Variants in TANC2 observed in about 807,000 individuals in gnomAD.
TANC2 encodes protein TANC2.
TANC2 carries 26 observed loss-of-function variants against 210.5 expected under a neutral mutation model. The observed-to-expected ratio is 0.12, with a 90% CI of 0.09 to 0.17. The LOEUF is 0.17. TANC2 is among the 10% of genes least tolerant of loss of function. The pLI is 1.00. For missense variants in TANC2, 2,129 were observed against 2,608.9 expected (o/e 0.82, Z 4.01); for synonymous variants, 931 against 967.1 (o/e 0.96, Z 0.69).
chr17:63,014,593 G>T (rs754601877), intron 2 of TANC2, among the ~76,000 whole-genome samples: 35 of 152,046 alleles, frequency 2.3e-4, no homozygotes, highest in Non-Finnish European at 5.0e-4. Context: ...TATTGTGCAT[G>T]GCCACTAATG....
chr17:63,108,188 C>T (rs2037898547), intron 4 of TANC2, among the ~76,000 whole-genome samples: 1 of 151,492 alleles, frequency 6.6e-6, no homozygotes, highest in African/African-American at 2.4e-5. Flanking sequence ...TTTCATGCCT[C>T]ATAAAATGAA....
At chr17:63,318,531 A>G (rs1435128971) in intron 10 of TANC2, among the ~76,000 whole-genome samples, 2 of 152,134 alleles carry the variant, frequency 1.3e-5, no homozygotes, top group Non-Finnish European at 2.9e-5. Flanking sequence ...GGTAACCACT[A>G]ATTTACTTTC....
At chr17:63,100,437 T>A (rs1360200485) in intron 4 of TANC2, among the ~76,000 whole-genome samples, 2 of 152,158 alleles carry the variant, frequency 1.3e-5, no homozygotes, top group Non-Finnish European at 2.9e-5. Flanking sequence ...AAAGACACTT[T>A]GGTCATTAGA....
chr17:63,311,459 G>A (rs555500692), intron 9 of TANC2, among the ~76,000 whole-genome samples: 21 of 152,214 alleles, frequency 1.4e-4, no homozygotes, highest in African/African-American at 5.1e-4. Context: ...CATGCTAATA[G>A]CATTTCTCTC....
rs1158768609 is a variant in TANC2 at position 63,205,344 on chromosome 17, C to CAA, written c.769+4414_769+4415dup. Among the ~76,000 whole-genome samples, 62 of 8,070 alleles carry CAA rather than the reference C, an allele frequency of 7.7e-3. 16 individuals carry two copies. The highest frequency in any genetic ancestry group is 0.026 in the African/African-American group (48 of 1,876). The allele number at this position is 8,070 out of a possible 152,430, so 5.3% of individuals were successfully genotyped here. ...ACTGCTCAAAATTTAACCAAGGAGG[C>CAA]AAAAAAAAAAAAAAAAAAAAAAAAA... is the stretch of plus-strand genomic sequence containing the variant. On this transcript the variant is annotated intron_variant, in intron 7 of 27. Transcript: ENST00000689528.
intron 5 of TANC2, among the ~76,000 whole-genome samples, chr17:63,190,205 C>T (rs1158964813): frequency 2.0e-5 from 3 of 151,974 alleles, no homozygotes; most frequent in Non-Finnish European, 2.9e-5. Context: ...CCAGGCATGG[C>T]AGTGCATACC....
At chr17:63,070,500 A>G (rs1363780593) in intron 2 of TANC2, among the ~76,000 whole-genome samples, 4 of 152,072 alleles carry the variant, frequency 2.6e-5, no homozygotes, top group African/African-American at 7.2e-5. Context: ...TACTGGCCTT[A>G]CTCTCAAGTC....
In TANC2 at chr17:63,331,850, GTGTGTC is replaced by G. The variant is rs1407434148; in HGVS notation, c.1576-8245_1576-8240del. On this transcript the variant is annotated intron_variant, in intron 11 of 27. Transcript: ENST00000689528. ...GTAAGATAAGAGTGTGTGTGTGTGT[GTGTGTC>G]TGTGTGTGTGTGTGTGTGTGTGTGT... 1.5e-3 allele frequency: 229 copies of G among 155,122 alleles called. 1 individual carries two copies. The highest frequency in any genetic ancestry group is 3.7e-3 in the African/African-American group (119 of 31,790). The allele number at this position is 155,122 out of a possible 1,614,324, so 9.6% of individuals were successfully genotyped here.
intron 4 of TANC2, among the ~76,000 whole-genome samples, chr17:63,124,020 C>T (rs1311638776): frequency 6.6e-6 from 1 of 151,868 alleles, no homozygotes; most frequent in South Asian, 2.1e-4. Flanking sequence ...CTTTAGGATG[C>T]GAATTGAACA....
At chr17:63,021,587 C>G (rs1045255286) in intron 2 of TANC2, among the ~76,000 whole-genome samples, 1 of 152,206 alleles carries the variant, frequency 6.6e-6, no homozygotes, top group African/African-American at 2.4e-5. Flanking sequence ...CAAAATAAAC[C>G]TTTCTTCTTT....
In TANC2 at chr17:63,284,873, TTC is replaced by T. The variant is rs1374291274; in HGVS notation, c.1159+17001_1159+17002del. Among the ~76,000 whole-genome samples, 4 of 152,154 alleles carry T rather than the reference TTC, an allele frequency of 2.6e-5. No homozygotes were observed. In the South Asian group the frequency reaches 6.2e-4, roughly 24 times the overall value. ...ATGGATTTTGTGGATTTCTGTATTATTCCTTGTAGTTTTTGCTCTTTGTGTTT... is the reference window on the plus strand; with the variant it reads ...ATGGATTTTGTGGATTTCTGTATTATCTTGTAGTTTTTGCTCTTTGTGTTT... On this transcript the variant is annotated intron_variant, in intron 9 of 27. Transcript: ENST00000689528.
intron 24 of TANC2, chr17:63,413,108 G>A (rs1482344249): frequency 4.6e-6 from 1 of 219,446 alleles, no homozygotes; most frequent in Non-Finnish European, 8.8e-6. Flanking sequence ...TTTCCCTTCT[G>A]CAAAGTACAT....
chr17:63,040,496 C>T (rs879182082), intron 2 of TANC2, among the ~76,000 whole-genome samples: 5 of 151,972 alleles, frequency 3.3e-5, no homozygotes, highest in African/African-American at 7.3e-5. Flanking sequence ...CCAGTTGAGA[C>T]GAGATGTTTA....
chr17:63,058,708 C>A (rs1436329976), intron 2 of TANC2, among the ~76,000 whole-genome samples: 1 of 152,134 alleles, frequency 6.6e-6, no homozygotes, highest in African/African-American at 2.4e-5. Context: ...TTTTTGTCAG[C>A]TTTGTTGAAC....
chr17:63,406,563 A>G (rs1306653985), intron 21 of TANC2, among the ~76,000 whole-genome samples: 1 of 152,220 alleles, frequency 6.6e-6, no homozygotes, highest in Non-Finnish European at 1.5e-5. Context: ...ATACTCAATA[A>G]ATGTTCATCT....
chr17:63,194,014 C>A, exon 6 of TANC2: 1 of 1,612,864 alleles, frequency 6.2e-7, no homozygotes, highest in Non-Finnish European at 8.5e-7. Flanking sequence ...GGAGCTTGGC[C>A]CCCCTCCATC....
In TANC2 at chr17:63,389,435, TC is replaced by T; in HGVS notation, c.2943del (p.Phe981LeufsTer13). ...GAAATGGTAGCCCTGCTGCTGGAGT[TC>T]GGGGCCAACGTGGATGCCTCTTCTG... On this transcript the variant is annotated frameshift_variant, in exon 17 of 28. Transcript: ENST00000689528. LOFTEE classifies it high-confidence loss of function. 1 of 1,614,020 alleles carries T rather than the reference TC, an allele frequency of 6.2e-7. No individual in the cohort carries two copies. Among genetic ancestry groups the T allele is most frequent in the Non-Finnish European group, 8.5e-7 (1 of 1,179,894 alleles).
intron 1 of TANC2, among the ~76,000 whole-genome samples, chr17:62,999,923 CCT>C (rs1477147449): frequency 5.9e-5 from 9 of 152,158 alleles, no homozygotes; most frequent in Non-Finnish European, 1.3e-4. Flanking sequence ...GAGATCATGT[CCT>C]TTGCAGCAAC....
At chr17:63,406,766 A>G (rs1033336534) in intron 21 of TANC2, among the ~76,000 whole-genome samples, 8 of 152,198 alleles carry the variant, frequency 5.3e-5, no homozygotes, top group African/African-American at 1.9e-4. Flanking sequence ...TTCCTGGTGA[A>G]TGGGAAATAA....
Sources: allele counts gnomAD v4.1 joint callset (sites outside exome capture counted in the v4.1 genomes callset), GRCh38; gene constraint gnomAD v4.1.1; transcripts MANE v1.5; gene names NCBI Gene and HGNC (gene_info 2026-07-23, HGNC 2026-07-21).